WASHC3: variants seen among roughly 807,000 people sequenced by gnomAD.
The protein encoded by WASHC3 is WASH complex subunit CCDC53.
WASHC3 carries 24 observed loss-of-function variants against 26.1 expected under a neutral mutation model. That is an observed-to-expected ratio of 0.92 (90% confidence interval 0.66 to 1.29). The LOEUF is 1.29. WASHC3 is among the 50% of genes most tolerant of loss of function. The pLI, the probability that WASHC3 is intolerant of heterozygous loss-of-function variation, is 0.00. For missense variants in WASHC3, 214 were observed against 229.6 expected, an observed-to-expected ratio of 0.93 and a Z score of 0.44; for synonymous variants, 77 against 75.7, an observed-to-expected ratio of 1.02 and a Z score of -0.09.
intron 4 of WASHC3, among the ~76,000 whole-genome samples, chr12:102,041,122 T>TACACAC (rs575464311): frequency 1.3e-5 from 2 of 150,294 alleles, no homozygotes; most frequent in Non-Finnish European, 3.0e-5. Context: ...TACATATATA[T>TACACAC]ACACACACAC....
At chr12:102,056,899 C>G (rs1390674641) in intron 2 of WASHC3, among the ~76,000 whole-genome samples, 3 of 152,276 alleles carry the variant, frequency 2.0e-5, no homozygotes, top group African/African-American at 7.2e-5. Flanking sequence ...GGAGGGGAAA[C>G]TTTCGAACTC....
At chr12:102,049,073 T>C (rs948601458) in intron 2 of WASHC3, among the ~76,000 whole-genome samples, 1 of 152,240 alleles carries the variant, frequency 6.6e-6, no homozygotes, top group Non-Finnish European at 1.5e-5. Context: ...ATTTTCCTTA[T>C]ACAATCCCCA....
Position 102,044,661 on chromosome 12 carries a change from T to A in WASHC3, c.217-449A>T, listed in dbSNP as rs575393055. ...AAGGGCTTTGTGCAAATTTTGAGTT[T>A]CAATTATCTAGGATATGACAAAACT... On this transcript the variant is annotated intron_variant, in intron 3 of 6. Coordinates refer to ENST00000240079, the MANE Select transcript of WASHC3 (RefSeq NM_016053.4). 4.6e-5 allele frequency among the ~76,000 whole-genome samples: 7 copies of A among 152,374 alleles called. No individual in the cohort carries two copies. The East Asian group carries it at 1.3e-3, about 29-fold the overall frequency.
At chr12:102,058,207 T>G (rs945460276) in intron 2 of WASHC3, among the ~76,000 whole-genome samples, 3 of 152,090 alleles carry the variant, frequency 2.0e-5, no homozygotes, top group African/African-American at 7.2e-5. Context: ...CAACTGGATA[T>G]CCACATGCAG....
At chr12:102,018,274 C>A (rs149632754) in intron 6 of WASHC3, among the ~76,000 whole-genome samples, 1 of 152,164 alleles carries the variant, frequency 6.6e-6, no homozygotes, top group African/African-American at 2.4e-5. Flanking sequence ...TATGAACATG[C>A]GTATACAAAT....
chr12:102,020,778 T>C (rs954759648), intron 6 of WASHC3, among the ~76,000 whole-genome samples: 4 of 152,160 alleles, frequency 2.6e-5, no homozygotes, highest in South Asian at 2.1e-4. Flanking sequence ...AGCTATGCGA[T>C]GGCAATAGGT....
chr12:102,061,995 C>T, upstream of WASHC3: 1 of 1,569,640 alleles, frequency 6.4e-7, no homozygotes, highest in Non-Finnish European at 8.7e-7. Context: ...CGAGTTCACC[C>T]ACAAACCCCT....
Position 102,025,409 on chromosome 12 carries a change from A to G in WASHC3, c.500+565T>C, listed in dbSNP as rs79139437. On this transcript the variant is annotated intron_variant, in intron 6 of 6. Transcript: ENST00000240079. ...CTCAAAAATATTTTATAAAATTCAC[A>G]CAATAAGGGATTAAATACTTTAAGG... Among the ~76,000 whole-genome samples the G allele has an allele frequency of 7.1e-3, 1,077 of 152,234 alleles. 10 individuals carry two copies. The highest frequency in any genetic ancestry group is 0.023 in the African/African-American group (958 of 41,548).
At chr12:102,039,004 A>C (rs182124605) in intron 5 of WASHC3, among the ~76,000 whole-genome samples, 1 of 152,070 alleles carries the variant, frequency 6.6e-6, no homozygotes, top group African/African-American at 2.4e-5. Context: ...CCTACGCTGA[A>C]GTACAGTGGC....
chr12:102,056,723 A>G (rs1370222346), intron 2 of WASHC3, among the ~76,000 whole-genome samples: 1 of 152,198 alleles, frequency 6.6e-6, no homozygotes, highest in African/African-American at 2.4e-5. Flanking sequence ...TCATAAAGAA[A>G]TAGGTAATCT....
At chr12:102,040,705 C>A (rs1226263865) in intron 4 of WASHC3, among the ~76,000 whole-genome samples, 1 of 151,878 alleles carries the variant, frequency 6.6e-6, no homozygotes, top group Non-Finnish European at 1.5e-5. Context: ...TTGCATGGTA[C>A]CATGTTACTG....
intron 5 of WASHC3, among the ~76,000 whole-genome samples, chr12:102,036,971 AT>A (rs962157952): frequency 6.6e-6 from 1 of 152,210 alleles, no homozygotes; most frequent in African/African-American, 2.4e-5. Context: ...ATGCTTTTAA[AT>A]TTAAAAAATG....
intron 6 of WASHC3, among the ~76,000 whole-genome samples, chr12:102,021,526 C>T (rs1231123863): frequency 6.6e-6 from 1 of 152,162 alleles, no homozygotes; most frequent in Admixed American, 6.5e-5. Context: ...TCTCTAAAAG[C>T]AGACCAATTA....
intron 2 of WASHC3, among the ~76,000 whole-genome samples, chr12:102,047,123 T>C (rs1878199688): frequency 6.6e-6 from 1 of 152,186 alleles, no homozygotes; most frequent in African/African-American, 2.4e-5. Context: ...GGTAGCATCA[T>C]AAAATATGAC....
intron 6 of WASHC3, among the ~76,000 whole-genome samples, chr12:102,014,003 G>A (rs1457105446): frequency 6.9e-6 from 1 of 144,370 alleles, no homozygotes; most frequent in African/African-American, 2.5e-5. Flanking sequence ...TACCAAGAAA[G>A]TAAATTAAGC....
intron 4 of WASHC3, among the ~76,000 whole-genome samples, chr12:102,042,545 C>A (rs1277785216): frequency 1.3e-5 from 2 of 152,180 alleles, no homozygotes; most frequent in Admixed American, 1.3e-4. Context: ...TTTCGACCTT[C>A]AGCAAGTTAC....
chr12:102,021,095 C>G (rs1489476530), intron 6 of WASHC3, among the ~76,000 whole-genome samples: 5 of 151,868 alleles, frequency 3.3e-5, no homozygotes, highest in Admixed American at 3.3e-4. Context: ...AAAACAAAAA[C>G]AAAAACAAAA....
intron 4 of WASHC3, among the ~76,000 whole-genome samples, chr12:102,043,214 T>C (rs1389046050): frequency 6.6e-6 from 1 of 152,168 alleles, no homozygotes; most frequent in Non-Finnish European, 1.5e-5. Context: ...GGTTGGTCCA[T>C]GGCGTGTACT....
At chr12:102,020,486 G>A (rs1436677659) in intron 6 of WASHC3, among the ~76,000 whole-genome samples, 1 of 152,158 alleles carries the variant, frequency 6.6e-6, no homozygotes, top group Non-Finnish European at 1.5e-5. Context: ...GTTTTCATTA[G>A]AGGAAGATTT....
Sources: allele counts gnomAD v4.1 joint callset (sites outside exome capture counted in the v4.1 genomes callset), GRCh38; gene constraint gnomAD v4.1.1; transcripts MANE v1.5; gene names NCBI Gene and HGNC (gene_info 2026-07-23, HGNC 2026-07-21).